ARNT: variants seen among roughly 807,000 people sequenced by gnomAD.
ARNT encodes the protein aryl hydrocarbon receptor nuclear translocator, also known as class E basic helix-loop-helix protein 2.
In ARNT, 30 loss-of-function variants were observed where a neutral mutation model predicts 105.0. That is an observed-to-expected ratio of 0.29 (90% CI 0.21 to 0.39). The LOEUF (loss-of-function observed/expected upper bound fraction) is 0.39, where lower values mean the gene tolerates loss of function less well. Among genes scored for constraint, ARNT ranks in the 10% least tolerant of loss-of-function variants. The pLI is 1.00. For missense variants in ARNT, 748 were observed against 978.7 expected (o/e 0.76, Z 3.15); for synonymous variants, 304 against 344.0 (o/e 0.88, Z 1.29).
chr1:150,812,191 C>T, intron 21 of ARNT, 81 bp from the exon 22 acceptor site: 1 of 1,032,902 alleles, frequency 9.7e-7, no homozygotes, highest in Non-Finnish European at 1.3e-6. Context: ...CATTCCCCTG[C>T]ACTACCATCC....
rs1654593363 is a variant in ARNT at position 150,810,830 on chromosome 1, G to C, written c.*1191C>G. On this transcript the variant is annotated 3_prime_UTR_variant, in exon 22 of 22. Transcript: ENST00000358595. ...AGCAAAACCCAATCTCAAGATTGGAGGGAGCAAAGAGGAAAAACCTCTTAG... is the reference window on the plus strand; with the variant it reads ...AGCAAAACCCAATCTCAAGATTGGACGGAGCAAAGAGGAAAAACCTCTTAG... 4.5e-6 allele frequency: 1 copy of C among 222,356 alleles called. No homozygotes were observed. The highest frequency in any genetic ancestry group is 2.2e-5 in the African/African-American group (1 of 44,690). 13.8% of individuals were successfully genotyped at this position (222,356 alleles called of 1,614,324 possible).
intron 15 of ARNT, 53 bp from the exon 16 acceptor site, chr1:150,817,486 A>T (rs755239773): frequency 9.9e-5 from 154 of 1,548,634 alleles, no homozygotes; most frequent in African/African-American, 8.4e-4. Context: ...ATTTTTTTTA[A>T]AAAAGAATCT....
intron 19 of ARNT, among the ~76,000 whole-genome samples, chr1:150,815,791 G>C (rs1353832695): frequency 6.7e-6 from 1 of 149,488 alleles, no homozygotes; most frequent in African/African-American, 2.5e-5. Context: ...GTGAACCCGG[G>C]AGGCAGAGCT....
intron 13 of ARNT, among the ~76,000 whole-genome samples, chr1:150,824,471 T>C (rs1043969234): frequency 5.9e-5 from 9 of 151,320 alleles, no homozygotes; most frequent in African/African-American, 2.2e-4. Context: ...TTTTTTTTTT[T>C]TTGAGATGGA....
intron 6 of ARNT, among the ~76,000 whole-genome samples, chr1:150,839,203 G>A (rs1227117657): frequency 6.6e-6 from 1 of 152,116 alleles, no homozygotes; most frequent in East Asian, 1.9e-4. Flanking sequence ...CATCCTATAT[G>A]CTATATTCAT....
Position 150,868,795 on chromosome 1 carries a change from G to A in ARNT, c.25+7748C>T, listed in dbSNP as rs979825650. 3.3e-5 allele frequency among the ~76,000 whole-genome samples: 5 copies of A among 152,134 alleles called. No individual in the cohort carries two copies. In the East Asian group the frequency reaches 9.6e-4, roughly 29 times the overall value. ...CGTGCCTGTAGTCCCAGCTACAGGA[G>A]GCTGAGGCAGGAGAATCGCTTAAAC... On this transcript the variant is annotated intron_variant, in intron 1 of 21. Coordinates refer to ENST00000358595, the MANE Select transcript of ARNT (RefSeq NM_001668.4).
At chr1:150,826,059 A>G (rs1486792252) in intron 13 of ARNT, among the ~76,000 whole-genome samples, 1 of 151,928 alleles carries the variant, frequency 6.6e-6, no homozygotes, top group African/African-American at 2.4e-5. Context: ...GATTACAGGC[A>G]TGCACCACCA....
chr1:150,846,106 T>C (rs1007304227), intron 4 of ARNT, among the ~76,000 whole-genome samples, 157 bp downstream of exon 4: 2 of 152,134 alleles, frequency 1.3e-5, no homozygotes, highest in African/African-American at 4.8e-5. Flanking sequence ...TAAATGATAG[T>C]TATAATACTA....
intron 1 of ARNT, among the ~76,000 whole-genome samples, chr1:150,870,634 C>G (rs940716886): frequency 1.3e-5 from 2 of 152,020 alleles, no homozygotes; most frequent in Non-Finnish European, 2.9e-5. Flanking sequence ...CAGTCTCCCA[C>G]GTAGCTGGGA....
chr1:150,844,549 A>G (rs769670735), intron 4 of ARNT, among the ~76,000 whole-genome samples: 6 of 152,220 alleles, frequency 3.9e-5, no homozygotes, highest in Non-Finnish European at 8.8e-5. Context: ...TCAGCAACGA[A>G]CAAATACTAA....
At chr1:150,863,291 G>A (rs1665981971) in intron 1 of ARNT, among the ~76,000 whole-genome samples, 3 of 151,934 alleles carry the variant, frequency 2.0e-5, no homozygotes, top group South Asian at 2.1e-4. Flanking sequence ...GGGAGGCAAA[G>A]GCTGCAGTGA....
At chr1:150,875,643 T>TA (rs1244811151) in intron 1 of ARNT, among the ~76,000 whole-genome samples, 1 of 152,180 alleles carries the variant, frequency 6.6e-6, no homozygotes, top group Non-Finnish European at 1.5e-5. Context: ...TAAAGAGGAA[T>TA]AACTGTAACA....
chr1:150,824,201 A>ATTTT (rs1657725326), intron 13 of ARNT, among the ~76,000 whole-genome samples: 1 of 151,618 alleles, frequency 6.6e-6, no homozygotes, highest in Admixed American at 6.6e-5. Context: ...GCCATTTAAA[A>ATTTT]AAATGGCAAA....
rs141051493 is a variant in ARNT, at chr1:150,846,289, C to T, written c.201G>A (p.Met67Ile). 20 of 1,613,588 alleles carry T rather than the reference C, an allele frequency of 1.2e-5. No individual in the cohort carries two copies. Among genetic ancestry groups the T allele is most frequent in the Non-Finnish European group, 1.7e-5 (20 of 1,179,724 alleles). The change falls in exon 4 of 22, where the codon ATG becomes ATA. Residue 67 changes from methionine (M) to isoleucine (I), a missense_variant. Coordinates refer to ENST00000358595, the MANE Select transcript of ARNT (RefSeq NM_001668.4). The stretch of plus-strand genomic sequence containing the variant: ...TGGCAAACCGCTCCTTATCGTTAGA[C>T]ATCTGATCATCATCACACCTGAAGG... ...SKFLRCDDDQ[M>I]SNDKERFARS...
intron 3 of ARNT, among the ~76,000 whole-genome samples, chr1:150,847,879 G>C (rs1190252518): frequency 6.6e-6 from 1 of 152,124 alleles, no homozygotes; most frequent in Non-Finnish European, 1.5e-5. Flanking sequence ...TGATGGCCAA[G>C]TCACGGTTGT....
At chr1:150,852,571 C>A (rs1242256955) in intron 3 of ARNT, among the ~76,000 whole-genome samples, 191 bp downstream of exon 3, 1 of 152,098 alleles carries the variant, frequency 6.6e-6, no homozygotes, top group Non-Finnish European at 1.5e-5. Flanking sequence ...GCCGTCCTCT[C>A]CTCACTGAGG....
intron 4 of ARNT, among the ~76,000 whole-genome samples, chr1:150,845,168 C>T (rs1359927009): frequency 6.6e-6 from 1 of 152,060 alleles, no homozygotes. Flanking sequence ...TGCATATAAT[C>T]CCAATATTTG....
chr1:150,835,820 AT>A (rs1557891474), intron 7 of ARNT, among the ~76,000 whole-genome samples: 9 of 66,076 alleles, frequency 1.4e-4, no homozygotes, highest in Non-Finnish European at 2.8e-4. Context: ...AACAGTACAG[AT>A]ACAAACAACA....
At chr1:150,839,927 C>T (rs1660980000) in intron 5 of ARNT, among the ~76,000 whole-genome samples, 1 of 152,090 alleles carries the variant, frequency 6.6e-6, no homozygotes, top group Admixed American at 6.6e-5. Context: ...ATTACCACTC[C>T]CTCAGAACAA....
Sources: allele counts gnomAD v4.1 joint callset (sites outside exome capture counted in the v4.1 genomes callset), GRCh38; gene constraint gnomAD v4.1.1; transcripts MANE v1.5; gene names NCBI Gene and HGNC (gene_info 2026-07-23, HGNC 2026-07-21).